Variants in SHISA9 observed in about 807,000 individuals in gnomAD.
SHISA9 encodes protein shisa-9.
Under a neutral mutation model 38.0 loss-of-function variants are expected in SHISA9, and 13 were observed. The ratio of observed to expected loss-of-function variants is 0.34; its 90% CI spans 0.22 to 0.54. SHISA9 has a LOEUF of 0.54. Among genes scored for constraint, SHISA9 ranks in the 20% least tolerant of loss-of-function variants. The pLI is 0.91. For synonymous variants in SHISA9, 275 were observed against 242.0 expected (o/e 1.14, Z -1.27); for missense variants, 538 against 575.8 (o/e 0.93, Z 0.67).
chr16:12,972,423 T>A (rs2072097074), intron 2 of SHISA9, among the ~76,000 whole-genome samples: 1 of 152,094 alleles, frequency 6.6e-6, no homozygotes, highest in Non-Finnish European at 1.5e-5. Context: ...CCTCCGTATA[T>A]CACTAAGTGA....
At chr16:13,232,210 C>T (rs2578582) in intron 4 of SHISA9, among the ~76,000 whole-genome samples, 26,895 of 151,798 alleles carry the variant, frequency 0.18, 2,698 homozygotes, top group Admixed American at 0.31. Context: ...ACTTCTGGTC[C>T]CCTGAGAGAT....
chr16:13,268,248 G>T, the SHISA9 span, among the ~76,000 whole-genome samples: 1 of 152,142 alleles, frequency 6.6e-6, no homozygotes, highest in Non-Finnish European at 1.5e-5. Flanking sequence ...TCTAGCTCTT[G>T]CCTGTAATCC....
At chr16:13,441,444 T>C in the SHISA9 span, among the ~76,000 whole-genome samples, 2 of 152,116 alleles carry the variant, frequency 1.3e-5, no homozygotes, top group African/African-American at 4.8e-5. Context: ...AGTGAAGGAA[T>C]CCAAGAGTGG....
At chr16:13,133,563 G>C (rs1324449968) in intron 2 of SHISA9, among the ~76,000 whole-genome samples, 1 of 152,142 alleles carries the variant, frequency 6.6e-6, no homozygotes. Flanking sequence ...GTTGATGAGT[G>C]ATGCAAGCCC....
At chr16:13,379,976 C>G in the SHISA9 span, among the ~76,000 whole-genome samples, 4 of 151,892 alleles carry the variant, frequency 2.6e-5, no homozygotes, top group Non-Finnish European at 5.9e-5. Flanking sequence ...GTATGAAGGG[C>G]CTTTTATAAC....
At chr16:13,063,555 C>T (rs963751558) in intron 2 of SHISA9, among the ~76,000 whole-genome samples, 2 of 152,168 alleles carry the variant, frequency 1.3e-5, no homozygotes, top group East Asian at 1.9e-4. Context: ...GAAATAATGG[C>T]GCAGAATGTT....
At chr16:13,195,762 A>G (rs1297504703) in intron 2 of SHISA9, among the ~76,000 whole-genome samples, 1 of 152,056 alleles carries the variant, frequency 6.6e-6, no homozygotes, top group Admixed American at 6.6e-5. Context: ...CCAAACCCAT[A>G]ACCCCAATCT....
chr16:13,254,380 C>T, the SHISA9 span, among the ~76,000 whole-genome samples: 1 of 152,208 alleles, frequency 6.6e-6, no homozygotes. Flanking sequence ...GACCACTTGT[C>T]ACTGCTTCCA....
At chr16:13,370,311 A>G in the SHISA9 span, among the ~76,000 whole-genome samples, 5 of 152,312 alleles carry the variant, frequency 3.3e-5, no homozygotes, top group African/African-American at 1.2e-4. Flanking sequence ...TGTAGAGTCA[A>G]TGGCCCTTAA....
chr16:13,052,959 C>CTT (rs925020167), intron 2 of SHISA9, among the ~76,000 whole-genome samples: 4,413 of 105,922 alleles, frequency 0.042, 388 homozygotes, highest in African/African-American at 0.15. Flanking sequence ...TCCTTCCTTT[C>CTT]TTTTTTTTTT....
At chr16:13,445,132 G>A in the SHISA9 span, among the ~76,000 whole-genome samples, 1 of 151,356 alleles carries the variant, frequency 6.6e-6, no homozygotes, top group South Asian at 2.1e-4. Context: ...AAAGTGCTAG[G>A]ATTACAGGTG....
chr16:12,912,909 T>C (rs558630274), intron 1 of SHISA9, among the ~76,000 whole-genome samples: 79 of 152,292 alleles, frequency 5.2e-4, no homozygotes, highest in Admixed American at 1.6e-3. Context: ...CTCAGGGCCT[T>C]TGCACTTGCT....
the SHISA9 span, among the ~76,000 whole-genome samples, chr16:13,509,762 CATTT>C: frequency 2.0e-5 from 3 of 152,132 alleles, no homozygotes; most frequent in Admixed American, 2.0e-4. Context: ...TATATTATGA[CATTT>C]AATTTTTACC....
the SHISA9 span, among the ~76,000 whole-genome samples, chr16:13,428,228 CCTT>C: frequency 1.2e-3 from 183 of 152,112 alleles, 2 homozygotes; most frequent in African/African-American, 4.4e-3. Context: ...GGAAGAGTAT[CCTT>C]CTAACCTAGC....
At chr16:13,324,963 T>C in the SHISA9 span, among the ~76,000 whole-genome samples, 3 of 152,234 alleles carry the variant, frequency 2.0e-5, no homozygotes, top group Non-Finnish European at 2.9e-5. Context: ...AGTTAAGCTC[T>C]GCCTGAAGAG....
chr16:13,429,172 A>C, the SHISA9 span, among the ~76,000 whole-genome samples: 1 of 152,194 alleles, frequency 6.6e-6, no homozygotes, highest in Non-Finnish European at 1.5e-5. Context: ...GGTGAGAAAT[A>C]ACAAAGATCT....
At chr16:13,526,713 C>G in the SHISA9 span, among the ~76,000 whole-genome samples, 3 of 152,060 alleles carry the variant, frequency 2.0e-5, no homozygotes, top group Admixed American at 2.0e-4. Flanking sequence ...CTATGGTTCT[C>G]CCCTCTACAC....
chr16:13,101,061 G>C (rs986654836), intron 2 of SHISA9, among the ~76,000 whole-genome samples: 5 of 152,152 alleles, frequency 3.3e-5, no homozygotes, highest in African/African-American at 9.7e-5. Context: ...TTCCATGCCT[G>C]GCTTATTTCT....
the SHISA9 span, chr16:13,458,603 T>C: frequency 2.6e-6 from 1 of 391,324 alleles, no homozygotes; most frequent in African/African-American, 2.2e-5. Context: ...AGAATCCAGC[T>C]AAGAGATTTG....
Sources: allele counts gnomAD v4.1 joint callset (sites outside exome capture counted in the v4.1 genomes callset), GRCh38; gene constraint gnomAD v4.1.1; transcripts MANE v1.5; gene names NCBI Gene and HGNC (gene_info 2026-07-23, HGNC 2026-07-21).